The following PHF12 variants were observed in gnomAD, a reference collection of about 807,000 sequenced individuals.
PHF12 encodes PHD factor 1.
Under a neutral mutation model 99.8 loss-of-function variants are expected in PHF12, and 6 were observed. The ratio of observed to expected loss-of-function variants is 0.06; its 90% CI spans 0.03 to 0.12. PHF12 has a LOEUF of 0.12. Among genes scored for constraint, PHF12 ranks in the 10% least tolerant of loss-of-function variants. The probability of loss-of-function intolerance (pLI) is 1.00; values close to 1 mark genes in which losing one functional copy is unlikely to be tolerated. For synonymous variants in PHF12, 480 were observed against 514.9 expected (o/e 0.93, Z 0.92); for missense variants, 954 against 1,300.1 (o/e 0.73, Z 4.09).
At chr17:28,909,212 C>T in intron 11 of PHF12, 1 of 267,694 alleles carries the variant, frequency 3.7e-6, no homozygotes, top group South Asian at 6.3e-5. Flanking sequence ...AAACAGACGG[C>T]ATGGACCAGT....
At chr17:28,909,211 G>T in intron 11 of PHF12, 1 of 266,916 alleles carries the variant, frequency 3.7e-6, no homozygotes, top group Non-Finnish European at 7.4e-6. Context: ...AAAACAGACG[G>T]CATGGACCAG....
At chr17:28,921,357 A>G (rs2040161308) in intron 5 of PHF12, among the ~76,000 whole-genome samples, 1 of 151,840 alleles carries the variant, frequency 6.6e-6, no homozygotes, top group African/African-American at 2.4e-5. Flanking sequence ...TGTAGAGACA[A>G]GGTTTCACTG....
Position 28,906,491 on chromosome 17 carries a change from C to T in PHF12, c.2707G>A (p.Glu903Lys), listed in dbSNP as rs377230866. 6.8e-5 allele frequency: 110 copies of T among 1,606,054 alleles called. No homozygotes were observed. The highest frequency in any genetic ancestry group is 1.1e-4 in the South Asian group (10 of 90,870). ...ATGGCTGCCTCCTCACTTGGCTCTT[C>T]GTCCTGTTTCTGGTGCCGGCGGCGC... ...IRRRRHQKQD[E>K]EPSEEAAMMS... The change falls in exon 15 of 15, where the codon GAA (glutamate) becomes AAA (lysine). Residue 903 changes from glutamate (E) to lysine (K), a missense_variant. Physicochemically the swap from Glu to Lys is moderately conservative, Grantham distance 56. Coordinates refer to ENST00000332830, the MANE Select transcript of PHF12 (RefSeq NM_001033561.2). This position sits in a 1 kb window ranked among gnomAD's most constrained non-coding sequence, Gnocchi z 4.2.
At chr17:28,917,142 G>C in intron 7 of PHF12, 143 bp downstream of exon 7, 1 of 1,077,998 alleles carries the variant, frequency 9.3e-7, no homozygotes, top group Admixed American at 2.2e-5. Context: ...TTAAAATGAA[G>C]GTCACACTCA....
chr17:28,905,849 A>C lies in PHF12; in HGVS notation c.*334T>G. 1 of 233,214 alleles carries C rather than the reference A, an allele frequency of 4.3e-6. No individual in the cohort carries two copies. Among genetic ancestry groups the C allele is most frequent in the Non-Finnish European group, 8.2e-6 (1 of 121,604 alleles). 14.4% of individuals were successfully genotyped at this position (233,214 alleles called of 1,614,324 possible). A position where few individuals can be genotyped will look rare whatever the true frequency, so the allele number is the denominator to read the frequency against. ...TATTTTACAATGGTGGGCGAGGGGG[A>C]GGGAGCAGGAGGTGGGTGGGGAAGG... On this transcript the variant is annotated 3_prime_UTR_variant, in exon 15 of 15. Transcript: ENST00000332830.
chr17:28,951,029 G>C lies in PHF12; in HGVS notation c.-69C>G. Reference sequence around the variant, plus strand: ...AACCCCGGGGGGAGGGGGGAGGTGAGGGGAGGGGGCGCTCCTGACCCCGGC... The same window carrying C: ...AACCCCGGGGGGAGGGGGGAGGTGACGGGAGGGGGCGCTCCTGACCCCGGC... On this transcript the variant is annotated 5_prime_UTR_variant, in exon 1 of 15. Transcript: ENST00000332830. 2 of 1,607,136 alleles carry C rather than the reference G, an allele frequency of 1.2e-6. No homozygotes were observed. The highest frequency in any genetic ancestry group is 2.2e-5 in the South Asian group (2 of 90,444).
chr17:28,918,361 A>ATTT (rs1474354739), intron 6 of PHF12, among the ~76,000 whole-genome samples: 1 of 152,168 alleles, frequency 6.6e-6, no homozygotes, highest in Non-Finnish European at 1.5e-5. Context: ...ACAAGACTAG[A>ATTT]TTTTCCTCCT....
chr17:28,926,722 C>A, intron 3 of PHF12: 1 of 1,326,384 alleles, frequency 7.5e-7, no homozygotes, highest in Non-Finnish European at 1.0e-6. Context: ...AGGAGGACAA[C>A]AAGAAGGTAA....
At position 28,951,425 on chromosome 17, in the gene PHF12, G is replaced by A; in HGVS notation, c.-465C>T. On this transcript the variant is annotated 5_prime_UTR_variant, in exon 1 of 15. Coordinates refer to ENST00000332830, the MANE Select transcript of PHF12 (RefSeq NM_001033561.2). ...CCGGGCTCCGCCTCTCGCCGCCGCC[G>A]CCGTCTGCGTCCCGGCTGCCGCGCA... 1.0e-6 allele frequency: 1 copy of A among 987,150 alleles called. No homozygotes were observed. The highest frequency in any genetic ancestry group is 1.2e-6 in the Non-Finnish European group (1 of 831,112). 61.1% of individuals were successfully genotyped at this position (987,150 alleles called of 1,614,324 possible).
chr17:28,912,808 G>A lies in PHF12; in HGVS notation c.1763C>T (p.Pro588Leu), dbSNP rs1470012261. ...GTGGTTCTGAAGGCCCCCAGCCGCT[G>A]GTGGCGTGAGGGGCCGGGGCCAGCC... ...RQGWPRPLTP[P>L]AAGGLQNHTV... Residue 588 changes from proline to leucine, a missense_variant, in exon 9 of 15, where the codon CCA becomes CTA. This residue lies in a region of PHF12 where 392 missense variants were observed against 423.1 expected (regional missense o/e 0.93). Transcript: ENST00000332830. 1 of 1,608,794 alleles carries A rather than the reference G, an allele frequency of 6.2e-7. No homozygotes were observed. The highest frequency in any genetic ancestry group is 8.5e-7 in the Non-Finnish European group (1 of 1,176,584).
In PHF12 at chr17:28,931,754, G is replaced by GT. The variant is rs1159029107; in HGVS notation, c.249-4692dup. Reference sequence around the variant, plus strand: ...CTGCCCCCATGTCCAGCTAATTTTTGTTTTTTTTTTAGAGATGGGGTTTCA... The same window carrying GT: ...CTGCCCCCATGTCCAGCTAATTTTTGTTTTTTTTTTTAGAGATGGGGTTTCA... On this transcript the variant is annotated intron_variant, in intron 2 of 14. Coordinates refer to ENST00000332830, the MANE Select transcript of PHF12 (RefSeq NM_001033561.2). 7.7e-3 allele frequency among the ~76,000 whole-genome samples: 1,038 copies of GT among 135,396 alleles called. 14 individuals are homozygous for GT. The highest frequency in any genetic ancestry group is 0.025 in the African/African-American group (922 of 36,658). The allele number at this position is 135,396 out of a possible 152,430, so 88.8% of individuals were successfully genotyped here.
chr17:28,914,614 G>A (rs1228043169), intron 7 of PHF12, among the ~76,000 whole-genome samples: 1 of 136,636 alleles, frequency 7.3e-6, no homozygotes, highest in African/African-American at 2.7e-5. Context: ...GGAGCTTGCA[G>A]TGAACCGAGA....
intron 5 of PHF12, 107 bp downstream of exon 5, chr17:28,921,581 A>G: frequency 7.2e-7 from 1 of 1,393,102 alleles, no homozygotes; most frequent in Non-Finnish European, 1.0e-6. Flanking sequence ...ATACTATCAG[A>G]ATATGGGCTG....
rs1481757083 is a variant in PHF12 at position 28,906,653 on chromosome 17, T to C, written c.2681-136A>G. 22 of 1,241,308 alleles carry C rather than the reference T, an allele frequency of 1.8e-5. No homozygotes were observed. The highest frequency in any genetic ancestry group is 1.4e-4 in the African/African-American group (9 of 65,902). 76.9% of individuals were successfully genotyped at this position (1,241,308 alleles called of 1,614,324 possible). On this transcript the variant is annotated intron_variant, in intron 14 of 14. Coordinates refer to ENST00000332830, the MANE Select transcript of PHF12 (RefSeq NM_001033561.2). The surrounding 1 kb of genome is among the most constrained non-coding windows in gnomAD (Gnocchi z 4.2). ...AGGGAGGAAGGATGCTCAGAAAGGG[T>C]TGGTGGAGTCTGAAGTCCCCACAGG...
rs1192383075 is a variant in PHF12 at position 28,906,166 on chromosome 17, CG to C, written c.*16del. ...CTTGGGTGGGTGTACAGGCCAGTGGCGGGGTAGCCGCCAGTCCTAAGGAACA... is the reference window on the plus strand; with the variant it reads ...CTTGGGTGGGTGTACAGGCCAGTGGCGGGTAGCCGCCAGTCCTAAGGAACA... On this transcript the variant is annotated 3_prime_UTR_variant, in exon 15 of 15. Coordinates refer to ENST00000332830, the MANE Select transcript of PHF12 (RefSeq NM_001033561.2). This position sits in a 1 kb window ranked among gnomAD's most constrained non-coding sequence, Gnocchi z 4.2. 6.5e-7 allele frequency: 1 copy of C among 1,544,458 alleles called. No homozygotes were observed. The highest frequency in any genetic ancestry group is 8.8e-7 in the Non-Finnish European group (1 of 1,140,478).
intron 2 of PHF12, among the ~76,000 whole-genome samples, chr17:28,934,296 A>G (rs1181535669): frequency 2.6e-5 from 4 of 152,232 alleles, no homozygotes; most frequent in Non-Finnish European, 4.4e-5. Flanking sequence ...GCCAGAATCA[A>G]TGAAGAGCCC....
intron 2 of PHF12, chr17:28,944,391 C>T (rs968800768): frequency 1.4e-6 from 1 of 718,410 alleles, no homozygotes; most frequent in Non-Finnish European, 1.7e-6. Context: ...AGAGTATAAC[C>T]TCCTTTTCCA....
chr17:28,912,777 G>A lies in PHF12; in HGVS notation c.1794C>T (p.Val598=), dbSNP rs774066744. ...PAAGGLQNHT[V]GIIVKTENAT... ...CATTCTCTGTCTTCACAATGATGCC[G>A]ACGGTGTGGTTCTGAAGGCCCCCAG... The change falls in exon 9 of 15, where the codon GTC becomes GTT. Residue 598 remains valine, a synonymous_variant. Coordinates refer to ENST00000332830, the MANE Select transcript of PHF12 (RefSeq NM_001033561.2). The A allele has an allele frequency of 4.3e-6, 7 of 1,613,402 alleles. No homozygotes were observed. The highest frequency in any genetic ancestry group is 3.3e-5 in the Admixed American group (2 of 60,012).
chr17:28,915,048 T>C (rs914466912), intron 7 of PHF12, among the ~76,000 whole-genome samples: 1 of 152,214 alleles, frequency 6.6e-6, no homozygotes, highest in Non-Finnish European at 1.5e-5. Context: ...AAGAGAAGCA[T>C]GTCTAAGGTG....
Sources: allele counts gnomAD v4.1 joint callset (sites outside exome capture counted in the v4.1 genomes callset), GRCh38; gene constraint gnomAD v4.1.1; regional missense constraint gnomAD v4.1.1; non-coding constraint Gnocchi (gnomAD v3.1); transcripts MANE v1.5; gene names NCBI Gene and HGNC (gene_info 2026-07-23, HGNC 2026-07-21).